Variants in ADAMTS19 observed in about 807,000 individuals in gnomAD.
The protein encoded by ADAMTS19 is ADAM metallopeptidase with thrombospondin type 1 motif 19.
A neutral mutation model predicts 153.3 loss-of-function variants in ADAMTS19; 93 were observed. The ratio of observed to expected loss-of-function variants is 0.61; its 90% CI spans 0.51 to 0.72. The LOEUF (loss-of-function observed/expected upper bound fraction) is 0.72. ADAMTS19 is among the 30% of genes least tolerant of loss of function. The pLI, the probability that ADAMTS19 is intolerant of heterozygous loss-of-function variation, is 0.00. For synonymous variants in ADAMTS19, 600 were observed against 556.6 expected, an observed-to-expected ratio of 1.08 and a Z score of -1.10; for missense variants, 1,482 against 1,552.1, an observed-to-expected ratio of 0.95 and a Z score of 0.76.
At chr5:129,479,993 A>G (rs1481873754) in intron 2 of ADAMTS19, among the ~76,000 whole-genome samples, 1 of 152,180 alleles carries the variant, frequency 6.6e-6, no homozygotes, top group Non-Finnish European at 1.5e-5. Flanking sequence ...AGAACTTAGA[A>G]AAGCCAAAAC....
At chr5:129,620,372 C>T (rs1751725768) in intron 8 of ADAMTS19, among the ~76,000 whole-genome samples, 1 of 151,756 alleles carries the variant, frequency 6.6e-6, no homozygotes, top group Non-Finnish European at 1.5e-5. Context: ...CTAAACATGT[C>T]ATTTTATAGG....
At position 129,528,591 on chromosome 5, in the gene ADAMTS19, T is replaced by A. The variant is rs61757477; in HGVS notation, c.1242T>A (p.Phe414Leu). The part of the protein sequence containing the change: ...ESFCKWQHEE[F>L]GKKNDIHLEM... Reference sequence around the variant, plus strand: ...TTTGTAAGTGGCAACATGAAGAATTTGGCAAAAAGAATGATATACATTTAG... The same window carrying A: ...TTTGTAAGTGGCAACATGAAGAATTAGGCAAAAAGAATGATATACATTTAG... Residue 414 changes from phenylalanine to leucine, a missense_variant, in exon 6 of 23, where the codon TTT (phenylalanine) becomes TTA (leucine). Phe to Leu is a conservative substitution (Grantham distance 22, BLOSUM62 0). Around this residue, in one of 2 missense-constraint regions of ADAMTS19, gnomAD observed 866 missense variants for 827.7 expected, o/e 1.05. Coordinates refer to ENST00000274487, the MANE Select transcript of ADAMTS19 (RefSeq NM_133638.6). 4.1e-4 allele frequency: 659 copies of A among 1,607,080 alleles called. No individual in the cohort carries two copies. Among genetic ancestry groups the A allele is most frequent in the Non-Finnish European group, 5.3e-4 (625 of 1,177,086 alleles).
At chr5:129,637,426 G>T (rs1245771796) in intron 10 of ADAMTS19, among the ~76,000 whole-genome samples, 1 of 152,156 alleles carries the variant, frequency 6.6e-6, no homozygotes. Context: ...AATACATGAA[G>T]TAGATCACTA....
chr5:129,690,395 G>A (rs1462873724), intron 18 of ADAMTS19, among the ~76,000 whole-genome samples: 2 of 152,142 alleles, frequency 1.3e-5, no homozygotes, highest in Non-Finnish European at 2.9e-5. Context: ...AATTCATGAA[G>A]GTCCTTGAGT....
Position 129,487,442 on chromosome 5 carries a change from A to G in ADAMTS19, c.748-21635A>G, listed in dbSNP as rs143983888. ...TCAATAAAAATACTTTTATTCACTC[A>G]ATGGCTTTTGAGGTCTATTTTTAAA... On this transcript the variant is annotated intron_variant, in intron 2 of 22. Transcript: ENST00000274487. Among the ~76,000 whole-genome samples the G allele has an allele frequency of 2.5e-4, 38 of 152,218 alleles. 1 individual carries two copies. In the East Asian group the frequency reaches 7.3e-3, roughly 29 times the overall value.
At chr5:129,559,288 T>C (rs572912614) in intron 7 of ADAMTS19, among the ~76,000 whole-genome samples, 1 of 152,090 alleles carries the variant, frequency 6.6e-6, no homozygotes, top group East Asian at 1.9e-4. Context: ...AAAAACAACT[T>C]TTCTAAATCA....
Position 129,551,923 on chromosome 5 carries a change from C to G in ADAMTS19, c.1372+16C>G. ...GATACTGTTGGTAAGTGTGAAAATT[C>G]TCACACTTTTGGAGTTCTGGAGAAC... On this transcript the variant is annotated intron_variant, in intron 7 of 22. Transcript: ENST00000274487. The G allele has an allele frequency of 1.3e-6, 2 of 1,543,588 alleles. No individual in the cohort carries two copies. The highest frequency in any genetic ancestry group is 8.7e-7 in the Non-Finnish European group (1 of 1,142,932).
chr5:129,547,743 C>A (rs1752915006), intron 6 of ADAMTS19, among the ~76,000 whole-genome samples: 1 of 150,596 alleles, frequency 6.6e-6, no homozygotes, highest in South Asian at 2.1e-4. Context: ...AAGAACAAAG[C>A]TGGAGGCATC....
chr5:129,492,401 T>C (rs577430768), intron 2 of ADAMTS19, among the ~76,000 whole-genome samples: 1 of 151,930 alleles, frequency 6.6e-6, no homozygotes, highest in Non-Finnish European at 1.5e-5. Context: ...AGTGGAGGGG[T>C]CTAAGATTGA....
At chr5:129,731,743 AG>A (rs1757452529) in intron 21 of ADAMTS19, among the ~76,000 whole-genome samples, 1 of 152,122 alleles carries the variant, frequency 6.6e-6, no homozygotes, top group South Asian at 2.1e-4. Flanking sequence ...AGGAAAATAC[AG>A]GGGAAAAAAG....
intron 16 of ADAMTS19, among the ~76,000 whole-genome samples, chr5:129,669,331 TCA>T (rs1754196171): frequency 6.6e-6 from 1 of 152,082 alleles, no homozygotes; most frequent in Admixed American, 6.6e-5. Context: ...TCTTCATGAT[TCA>T]GTTTTGGTAG....
intron 15 of ADAMTS19, 21 bp downstream of exon 15, chr5:129,658,758 C>T (rs754133571): frequency 6.3e-7 from 1 of 1,593,980 alleles, no homozygotes; most frequent in South Asian, 1.1e-5. Flanking sequence ...TTTATTTTTT[C>T]ATAAATATTA....
intron 13 of ADAMTS19, among the ~76,000 whole-genome samples, chr5:129,649,578 G>A (rs539256362): frequency 9.9e-5 from 15 of 152,264 alleles, no homozygotes; most frequent in Non-Finnish European, 1.6e-4. Flanking sequence ...TGGGGAGAGG[G>A]ATGGGTATTA....
At chr5:129,681,059 T>G (rs973939075) in intron 17 of ADAMTS19, among the ~76,000 whole-genome samples, 1 of 152,236 alleles carries the variant, frequency 6.6e-6, no homozygotes, top group African/African-American at 2.4e-5. Context: ...TGGAGTATGA[T>G]GTGCTGCATT....
At chr5:129,731,989 C>G (rs1277268823) in intron 21 of ADAMTS19, among the ~76,000 whole-genome samples, 3 of 151,616 alleles carry the variant, frequency 2.0e-5, no homozygotes, top group Admixed American at 2.0e-4. Flanking sequence ...GTTTTGATAC[C>G]ATAAAATAAC....
intron 21 of ADAMTS19, among the ~76,000 whole-genome samples, chr5:129,718,687 G>T (rs536251522): frequency 6.6e-6 from 1 of 152,228 alleles, no homozygotes; most frequent in African/African-American, 2.4e-5. Context: ...TCTCCACTGT[G>T]AATGCTATTT....
Position 129,536,455 on chromosome 5 carries a change from C to T in ADAMTS19, c.1328+7778C>T, listed in dbSNP as rs28886353. ...GTGGAGAAATAGGAACACTTTTACA[C>T]TGTTGGTGGGACTGTAAACTAGTTC... On this transcript the variant is annotated intron_variant, in intron 6 of 22. Coordinates refer to ENST00000274487, the MANE Select transcript of ADAMTS19 (RefSeq NM_133638.6). Among the ~76,000 whole-genome samples the T allele has an allele frequency of 5.5e-4, 83 of 152,270 alleles. No individual in the cohort carries two copies. The East Asian group carries it at 0.011, about 20-fold the overall frequency.
chr5:129,685,719 A>T (rs1247732956), intron 18 of ADAMTS19, among the ~76,000 whole-genome samples: 1 of 152,176 alleles, frequency 6.6e-6, no homozygotes, highest in Non-Finnish European at 1.5e-5. Context: ...GTAAAAGAGG[A>T]TATGAGTCAA....
At chr5:129,592,878 T>G (rs1750207390) in intron 7 of ADAMTS19, among the ~76,000 whole-genome samples, 1 of 152,210 alleles carries the variant, frequency 6.6e-6, no homozygotes, top group African/African-American at 2.4e-5. Flanking sequence ...TATGATGGTA[T>G]GATATTTTTG....
Sources: allele counts gnomAD v4.1 joint callset (sites outside exome capture counted in the v4.1 genomes callset), GRCh38; gene constraint gnomAD v4.1.1; regional missense constraint gnomAD v4.1.1; transcripts MANE v1.5; gene names NCBI Gene and HGNC (gene_info 2026-07-23, HGNC 2026-07-21).